Variants in TCF4 observed in about 807,000 individuals in gnomAD.
TCF4 encodes SL3-3 enhancer factor 2.
A neutral mutation model predicts 82.1 loss-of-function variants in TCF4; 3 were observed. The ratio of observed to expected loss-of-function variants is 0.04; its 90% CI spans 0.02 to 0.09. The LOEUF is 0.09. Ranked by LOEUF, TCF4 falls within the 10% of genes least tolerant of loss-of-function variation. The pLI is 1.00. For missense variants in TCF4, 518 were observed against 852.7 expected (o/e 0.61, Z 4.89); for synonymous variants, 276 against 309.6 (o/e 0.89, Z 1.14).
upstream of TCF4, chr18:55,589,766 T>C: frequency 9.9e-7 from 1 of 1,014,770 alleles, no homozygotes. Flanking sequence ...CCCTGAAAGA[T>C]ACATTGTAAT....
chr18:55,533,205 A>G (rs2097084257), intron 3 of TCF4, among the ~76,000 whole-genome samples: 1 of 152,096 alleles, frequency 6.6e-6, no homozygotes, highest in Non-Finnish European at 1.5e-5. Flanking sequence ...CCGCAATAAA[A>G]CCAGCCTCCC....
intron 3 of TCF4, among the ~76,000 whole-genome samples, chr18:55,541,299 T>C (rs1324930192): frequency 1.3e-5 from 2 of 152,066 alleles, no homozygotes; most frequent in South Asian, 2.1e-4. Context: ...CTAGTTCAGC[T>C]AGTTTTAAAT....
At chr18:55,568,540 T>C (rs2097430517) in intron 3 of TCF4, among the ~76,000 whole-genome samples, 1 of 151,752 alleles carries the variant, frequency 6.6e-6, no homozygotes, top group African/African-American at 2.4e-5. Flanking sequence ...TATAAGTTTA[T>C]ATATATATTT....
intron 15 of TCF4, among the ~76,000 whole-genome samples, chr18:55,240,823 A>G (rs1321129489): frequency 6.6e-6 from 1 of 152,218 alleles, no homozygotes; most frequent in Admixed American, 6.5e-5. Context: ...TTTCATTAAC[A>G]TCAGATCTGG....
chr18:55,415,046 T>A (rs2094478711), intron 5 of TCF4, among the ~76,000 whole-genome samples: 1 of 152,204 alleles, frequency 6.6e-6, no homozygotes. Flanking sequence ...ATTTCAAAAT[T>A]TCAATGACTT....
At chr18:55,588,221 A>C, upstream of TCF4, 15 of 1,380,230 alleles carry the variant, frequency 1.1e-5, no homozygotes, top group South Asian at 2.2e-4. Flanking sequence ...CCTGACTCTT[A>C]ACACCAACTC....
intron 2 of TCF4, among the ~76,000 whole-genome samples, chr18:55,609,393 A>G (rs1226957350): frequency 6.6e-6 from 1 of 152,108 alleles, no homozygotes; most frequent in Non-Finnish European, 1.5e-5. Flanking sequence ...CATATTCAGA[A>G]TTTGCTTTCT....
chr18:55,540,065 T>C (rs981495704), intron 3 of TCF4, among the ~76,000 whole-genome samples: 4 of 151,462 alleles, frequency 2.6e-5, no homozygotes, highest in African/African-American at 9.7e-5. Context: ...AAGTAGACTA[T>C]ATTAAATAGA....
chr18:55,387,485 C>A (rs1316108276), intron 6 of TCF4, among the ~76,000 whole-genome samples: 1 of 152,328 alleles, frequency 6.6e-6, no homozygotes, highest in South Asian at 2.1e-4. Context: ...GAGGCTCAGA[C>A]ATATTAATGA....
intron 8 of TCF4, among the ~76,000 whole-genome samples, chr18:55,304,462 C>T (rs1041165691): frequency 1.3e-5 from 2 of 152,120 alleles, no homozygotes; most frequent in African/African-American, 2.4e-5. Context: ...CTAAACAGCA[C>T]ACCTTTACAA....
chr18:55,350,556 G>A, intron 7 of TCF4, 148 bp from the exon 8 acceptor site: 1 of 888,314 alleles, frequency 1.1e-6, no homozygotes, highest in South Asian at 1.4e-5. Context: ...TTCGATTCTA[G>A]CAGAAATCAA....
chr18:55,539,097 T>A (rs926081220), intron 3 of TCF4, among the ~76,000 whole-genome samples: 1 of 150,394 alleles, frequency 6.6e-6, no homozygotes, highest in African/African-American at 2.4e-5. Flanking sequence ...GTTAAATACA[T>A]ACCCAAACTC....
intron 2 of TCF4, among the ~76,000 whole-genome samples, chr18:55,621,622 A>C (rs1323547514): frequency 1.1e-5 from 1 of 88,054 alleles, no homozygotes; most frequent in Admixed American, 2.0e-4. Context: ...ATAATATTAT[A>C]TATAATATAT....
At chr18:55,520,332 T>C (rs1418564858) in intron 3 of TCF4, among the ~76,000 whole-genome samples, 2 of 152,108 alleles carry the variant, frequency 1.3e-5, no homozygotes, top group Non-Finnish European at 2.9e-5. Flanking sequence ...AAGCAATATG[T>C]TTCACTTCTT....
intron 8 of TCF4, among the ~76,000 whole-genome samples, chr18:55,316,057 G>C (rs2074055940): frequency 6.6e-6 from 1 of 151,930 alleles, no homozygotes; most frequent in African/African-American, 2.4e-5. Flanking sequence ...ACTTGAAAAA[G>C]CTTAAAACTA....
At chr18:55,229,713 G>C (rs2047333215) in intron 17 of TCF4, 2 of 153,080 alleles carry the variant, frequency 1.3e-5, no homozygotes, top group Non-Finnish European at 2.9e-5. Flanking sequence ...CCCACTATGT[G>C]AGTCTCATTT....
intron 2 of TCF4, among the ~76,000 whole-genome samples, chr18:55,599,595 C>T (rs898849407): frequency 6.6e-6 from 1 of 152,100 alleles, no homozygotes; most frequent in African/African-American, 2.4e-5. Flanking sequence ...GTGGTGGGCA[C>T]CTGTAGCCCC....
intron 2 of TCF4, chr18:55,586,150 GAGGAGCAGCAGCAGCAGC>G (rs961914314): frequency 4.1e-6 from 5 of 1,223,006 alleles, no homozygotes; most frequent in African/African-American, 3.2e-5. Context: ...GGAGGAGGAG[GAGGAGCAGCAGCAGCAGC>G]AGCAGCAGCA....
intron 5 of TCF4, among the ~76,000 whole-genome samples, chr18:55,434,451 G>A (rs1277808592): frequency 2.4e-5 from 3 of 126,112 alleles, no homozygotes; most frequent in African/African-American, 3.1e-5. Context: ...ATGGAGTCTC[G>A]CTGTGTTGCC....
Sources: gnomAD v4.1 joint callset for allele counts (sites outside exome capture counted in the v4.1 genomes callset) on GRCh38, gnomAD v4.1.1 for gene constraint, MANE v1.5 for transcripts, NCBI Gene and HGNC (gene_info 2026-07-23, HGNC 2026-07-21) for gene names.